The following LYPD6 variants were observed in gnomAD, a reference collection of about 807,000 sequenced individuals.
LYPD6 encodes ly6/PLAUR domain-containing protein 6.
LYPD6 carries 15 observed loss-of-function variants against 22.7 expected under a neutral mutation model. That is an observed-to-expected ratio of 0.66 (90% CI 0.44 to 1.02). The LOEUF (loss-of-function observed/expected upper bound fraction) is 1.02. Among genes scored for constraint, LYPD6 ranks in the 50% least tolerant of loss-of-function variants. The pLI is 0.00. For synonymous variants in LYPD6, 72 were observed against 77.5 expected, an observed-to-expected ratio of 0.93 and a Z score of 0.37; for missense variants, 189 against 208.4, an observed-to-expected ratio of 0.91 and a Z score of 0.57.
downstream of LYPD6, among the ~76,000 whole-genome samples, chr2:149,477,697 T>C (rs1222261019): frequency 7.3e-6 from 1 of 137,040 alleles, no homozygotes; most frequent in African/African-American, 2.8e-5. Context: ...GAAAAAAGCA[T>C]AGTGGTGTGT....
chr2:149,384,966 G>T (rs1682151932), intron 1 of LYPD6, among the ~76,000 whole-genome samples: 1 of 146,654 alleles, frequency 6.8e-6, no homozygotes, highest in Non-Finnish European at 1.5e-5. Flanking sequence ...ACCTGTGAGT[G>T]AGAACATGTG....
intron 1 of LYPD6, among the ~76,000 whole-genome samples, chr2:149,337,409 C>G (rs1257763031): frequency 6.6e-6 from 1 of 152,074 alleles, no homozygotes; most frequent in Non-Finnish European, 1.5e-5. Flanking sequence ...GTGGTTTGTG[C>G]TGGTCATCTG....
At chr2:149,447,489 G>GC (rs1384775748) in intron 2 of LYPD6, among the ~76,000 whole-genome samples, 15 of 152,184 alleles carry the variant, frequency 9.9e-5, no homozygotes, top group African/African-American at 3.6e-4. Context: ...CCAGCATCTA[G>GC]CTTCTATGGA....
Position 149,379,824 on chromosome 2 carries a change from A to T in LYPD6, c.-72+49102A>T, listed in dbSNP as rs576951886. Among the ~76,000 whole-genome samples, 23 of 152,360 alleles carry T rather than the reference A, an allele frequency of 1.5e-4. No individual in the cohort carries two copies. The South Asian group carries it at 4.4e-3, about 29-fold the overall frequency. ...GGCATCTTCCTAAGTGCTAGTTTAC[A>T]GCAGTGAACAAACAGAATCCCTACC... On this transcript the variant is annotated intron_variant, in intron 1 of 4. Transcript: ENST00000334166.
intron 1 of LYPD6, among the ~76,000 whole-genome samples, chr2:149,393,401 G>A (rs911014359): frequency 3.3e-5 from 5 of 152,140 alleles, no homozygotes; most frequent in Non-Finnish European, 7.4e-5. Flanking sequence ...TGAATTAAAA[G>A]CTCCTCTCTG....
At chr2:149,415,935 G>A (rs139431064) in intron 1 of LYPD6, among the ~76,000 whole-genome samples, 32 of 152,252 alleles carry the variant, frequency 2.1e-4, no homozygotes, top group African/African-American at 5.1e-4. Flanking sequence ...GCCCACCTTG[G>A]TCTCTCAAAG....
At chr2:149,354,410 G>A (rs1481340035) in intron 1 of LYPD6, among the ~76,000 whole-genome samples, 1 of 152,088 alleles carries the variant, frequency 6.6e-6, no homozygotes, top group Non-Finnish European at 1.5e-5. Flanking sequence ...GTTTTACCAT[G>A]TTGGCCAGGC....
chr2:149,359,094 C>G (rs932732537), intron 1 of LYPD6, among the ~76,000 whole-genome samples: 1 of 152,134 alleles, frequency 6.6e-6, no homozygotes, highest in Non-Finnish European at 1.5e-5. Flanking sequence ...ATTTGTTGTG[C>G]TGTTGGCACA....
At chr2:149,439,214 A>G (rs1332585170) in intron 2 of LYPD6, among the ~76,000 whole-genome samples, 1 of 152,200 alleles carries the variant, frequency 6.6e-6, no homozygotes, top group East Asian at 1.9e-4. Flanking sequence ...AATAGGCAGC[A>G]AATAATTTCT....
chr2:149,382,931 CT>C (rs1682100755), intron 1 of LYPD6, among the ~76,000 whole-genome samples: 1 of 152,024 alleles, frequency 6.6e-6, no homozygotes, highest in African/African-American at 2.4e-5. Context: ...TCTTTGATCT[CT>C]TACAATACTC....
At position 149,437,700 on chromosome 2, in the gene LYPD6, C is replaced by T. The variant is rs1265855435; in HGVS notation, c.-9C>T. 6.2e-7 allele frequency: 1 copy of T among 1,613,996 alleles called. No individual in the cohort carries two copies. The highest frequency in any genetic ancestry group is 8.5e-7 in the Non-Finnish European group (1 of 1,179,990). ...CAGGCCCTCTGTATGAGTGACACTT[C>T]AGTCTGCCATGGAACCTGGCCCTGC... is the stretch of plus-strand genomic sequence containing the variant. On this transcript the variant is annotated 5_prime_UTR_variant, in exon 2 of 5. Transcript: ENST00000334166.
intron 1 of LYPD6, among the ~76,000 whole-genome samples, chr2:149,387,353 G>T (rs1221284790): frequency 6.6e-6 from 1 of 152,226 alleles, no homozygotes; most frequent in African/African-American, 2.4e-5. Context: ...TTGAGTAACA[G>T]AGGTCCTTGG....
chr2:149,405,327 A>G (rs1682675021), intron 1 of LYPD6, among the ~76,000 whole-genome samples: 1 of 151,942 alleles, frequency 6.6e-6, no homozygotes, highest in South Asian at 2.1e-4. Context: ...TCCTCCTTGT[A>G]CCTCTGGTAG....
chr2:149,448,393 A>G (rs1317604733), intron 2 of LYPD6, among the ~76,000 whole-genome samples: 1 of 152,188 alleles, frequency 6.6e-6, no homozygotes, highest in Non-Finnish European at 1.5e-5. Context: ...TGATTTCCCT[A>G]ATTTTACTCT....
chr2:149,373,506 G>A (rs757888482), intron 1 of LYPD6, among the ~76,000 whole-genome samples: 1 of 152,104 alleles, frequency 6.6e-6, no homozygotes, highest in Non-Finnish European at 1.5e-5. Context: ...ATAGGAGGCT[G>A]AAAAGGGATG....
chr2:149,435,882 C>T (rs183082858), intron 1 of LYPD6, among the ~76,000 whole-genome samples: 22 of 152,146 alleles, frequency 1.4e-4, no homozygotes, highest in African/African-American at 4.1e-4. Flanking sequence ...TAACAATTTG[C>T]CAATTAAAAA....
chr2:149,404,754 G>T (rs1485841372), intron 1 of LYPD6, among the ~76,000 whole-genome samples: 2 of 152,128 alleles, frequency 1.3e-5, no homozygotes, highest in Admixed American at 6.6e-5. Context: ...TCCCTGGCCA[G>T]AACTTCCCAC....
chr2:149,474,766 TTTTG>T (rs371753572), downstream of LYPD6, among the ~76,000 whole-genome samples: 16 of 152,180 alleles, frequency 1.1e-4, no homozygotes, highest in East Asian at 5.8e-4. Flanking sequence ...AATGTGGGTT[TTTTG>T]TTTGTTTGTT....
At chr2:149,459,046 T>C (rs542711443) in intron 3 of LYPD6, among the ~76,000 whole-genome samples, 1 of 152,224 alleles carries the variant, frequency 6.6e-6, no homozygotes, top group East Asian at 1.9e-4. Context: ...AATTAGCAGC[T>C]AAAAGTTTTT....
Sources: gnomAD v4.1 joint callset for allele counts (sites outside exome capture counted in the v4.1 genomes callset) on GRCh38, gnomAD v4.1.1 for gene constraint, MANE v1.5 for transcripts, NCBI Gene and HGNC (gene_info 2026-07-23, HGNC 2026-07-21) for gene names.